ENTREP2: variants seen among roughly 807,000 people sequenced by gnomAD.
ENTREP2 encodes the protein endosomal transmembrane epsin interactor 2.
chr15:29,228,886 T>A, the ENTREP2 span, among the ~76,000 whole-genome samples: 2 of 152,122 alleles, frequency 1.3e-5, no homozygotes, highest in Non-Finnish European at 1.5e-5. Flanking sequence ...TGTAAAAAAA[T>A]GCAAAAATTG....
chr15:29,130,975 G>C, the ENTREP2 span, among the ~76,000 whole-genome samples: 4 of 152,178 alleles, frequency 2.6e-5, no homozygotes, highest in African/African-American at 9.7e-5. Context: ...GACAGGAGAC[G>C]CTGTGGGAAT....
At chr15:29,310,130 G>A in the ENTREP2 span, among the ~76,000 whole-genome samples, 18 of 152,086 alleles carry the variant, frequency 1.2e-4, no homozygotes, top group African/African-American at 4.3e-4. Context: ...TAGAAAGGGG[G>A]GGCAGGACAG....
chr15:29,555,630 G>A, the ENTREP2 span, among the ~76,000 whole-genome samples: 3,323 of 152,244 alleles, frequency 0.022, 115 homozygotes, highest in African/African-American at 0.072. Context: ...CAGTGAGCTG[G>A]CTATTTGCAT....
At chr15:29,355,967 C>A in the ENTREP2 span, among the ~76,000 whole-genome samples, 2 of 152,014 alleles carry the variant, frequency 1.3e-5, no homozygotes, top group Non-Finnish European at 2.9e-5. Context: ...CTAATTTACT[C>A]ATTTTTCCAT....
chr15:29,592,468 TGAGA>T, the ENTREP2 span, among the ~76,000 whole-genome samples: 1 of 152,176 alleles, frequency 6.6e-6, no homozygotes, highest in African/African-American at 2.4e-5. Context: ...TGGTGGATGA[TGAGA>T]GAGTGAGAGA....
At chr15:29,368,128 C>T in the ENTREP2 span, among the ~76,000 whole-genome samples, 1 of 151,918 alleles carries the variant, frequency 6.6e-6, no homozygotes, top group Non-Finnish European at 1.5e-5. Context: ...AGTTTGAGAC[C>T]TGTCTGGCTG....
the ENTREP2 span, among the ~76,000 whole-genome samples, chr15:29,595,090 AAAAAAAAT>A: frequency 1.8e-5 from 2 of 110,630 alleles, no homozygotes; most frequent in South Asian, 6.1e-4. Flanking sequence ...AAAAAAAAAA[AAAAAAAAT>A]TTAAAATTAG....
At chr15:29,312,157 G>T in the ENTREP2 span, among the ~76,000 whole-genome samples, 1 of 152,188 alleles carries the variant, frequency 6.6e-6, no homozygotes, top group African/African-American at 2.4e-5. Context: ...TCTGGAACAA[G>T]ACAAGCACTC....
At chr15:29,511,241 G>T in the ENTREP2 span, among the ~76,000 whole-genome samples, 45 of 152,152 alleles carry the variant, frequency 3.0e-4, no homozygotes, top group Non-Finnish European at 5.6e-4. Context: ...TGTGTTAAGC[G>T]GGTTTCCTGC....
At chr15:29,585,808 A>T in the ENTREP2 span, among the ~76,000 whole-genome samples, 1 of 150,260 alleles carries the variant, frequency 6.7e-6, no homozygotes, top group Non-Finnish European at 1.5e-5. Context: ...GTGAGCCAAG[A>T]TCCCGCCATT....
the ENTREP2 span, among the ~76,000 whole-genome samples, chr15:29,378,181 T>TA: frequency 1.4e-5 from 2 of 147,956 alleles, no homozygotes; most frequent in Non-Finnish European, 1.5e-5. Context: ...AAACCTTTTT[T>TA]AAAAAAACTC....
the ENTREP2 span, among the ~76,000 whole-genome samples, chr15:29,262,424 G>A: frequency 2.0e-5 from 3 of 152,208 alleles, no homozygotes; most frequent in African/African-American, 4.8e-5. Flanking sequence ...GACAGGCCTT[G>A]CTGGCTTTAG....
At chr15:29,131,573 C>T in the ENTREP2 span, among the ~76,000 whole-genome samples, 2 of 141,778 alleles carry the variant, frequency 1.4e-5, no homozygotes, top group African/African-American at 2.6e-5. Context: ...GGTGCTGTGA[C>T]CTTCACCTGC....
chr15:29,414,620 G>C, the ENTREP2 span, among the ~76,000 whole-genome samples: 8 of 152,118 alleles, frequency 5.3e-5, no homozygotes, highest in African/African-American at 1.9e-4. Flanking sequence ...ACATTCAAAA[G>C]CTAGCAGAAG....
the ENTREP2 span, chr15:29,269,691 C>G: frequency 6.5e-7 from 1 of 1,549,724 alleles, no homozygotes; most frequent in Non-Finnish European, 8.7e-7. Context: ...CCCGGTTCCT[C>G]GGTTTTTGCA....
At chr15:29,618,498 CCCGTGAG>C in the ENTREP2 span, among the ~76,000 whole-genome samples, 1 of 152,090 alleles carries the variant, frequency 6.6e-6, no homozygotes, top group Non-Finnish European at 1.5e-5. Context: ...TGCTTTCCCT[CCCGTGAG>C]CCTCTTGTGA....
At chr15:29,207,183 G>A in the ENTREP2 span, among the ~76,000 whole-genome samples, 5 of 152,270 alleles carry the variant, frequency 3.3e-5, no homozygotes, top group South Asian at 6.2e-4. Flanking sequence ...CCAGACCTGA[G>A]GACAAAGCCG....
chr15:29,416,602 C>G, the ENTREP2 span, among the ~76,000 whole-genome samples: 1 of 152,106 alleles, frequency 6.6e-6, no homozygotes, highest in Admixed American at 6.5e-5. Context: ...GACTTCATGT[C>G]TAAAACACCA....
At chr15:29,316,797 A>C in the ENTREP2 span, among the ~76,000 whole-genome samples, 1 of 152,226 alleles carries the variant, frequency 6.6e-6, no homozygotes, top group Non-Finnish European at 1.5e-5. Context: ...GCCAGTTTGT[A>C]AAAATTTCCT....
Sources: gnomAD v4.1 joint callset for allele counts (sites outside exome capture counted in the v4.1 genomes callset) on GRCh38, gnomAD v4.1.1 for gene constraint, MANE v1.5 for transcripts, NCBI Gene and HGNC (gene_info 2026-07-23, HGNC 2026-07-21) for gene names.